The following SLC35F4 variants were observed in gnomAD, a reference collection of about 807,000 sequenced individuals.
SLC35F4 encodes chromosome 14 open reading frame 36.
In SLC35F4, 24 loss-of-function variants were observed where a neutral mutation model predicts 44.2. The ratio of observed to expected loss-of-function variants is 0.54; its 90% CI spans 0.39 to 0.76. The LOEUF (loss-of-function observed/expected upper bound fraction) is 0.76. Ranked by LOEUF, SLC35F4 falls within the 30% of genes least tolerant of loss-of-function variation. SLC35F4 has a pLI of 0.00. For missense variants in SLC35F4, 562 were observed against 586.1 expected (o/e 0.96, Z 0.42); for synonymous variants, 238 against 223.6 (o/e 1.06, Z -0.57).
chr14:57,596,596 C>T (rs1012714178), intron 1 of SLC35F4: 4 of 422,384 alleles, frequency 9.5e-6, no homozygotes, highest in Non-Finnish European at 1.9e-5. Context: ...TTTCCAATCC[C>T]TTGGCAATTA....
intron 1 of SLC35F4, among the ~76,000 whole-genome samples, chr14:57,816,627 T>A (rs1446726790): frequency 6.6e-6 from 1 of 152,232 alleles, no homozygotes; most frequent in Non-Finnish European, 1.5e-5. Context: ...GAACGCTGTA[T>A]ATTCATAAGC....
At chr14:57,767,733 C>G (rs1011120664) in intron 1 of SLC35F4, among the ~76,000 whole-genome samples, 2 of 151,628 alleles carry the variant, frequency 1.3e-5, no homozygotes, top group Non-Finnish European at 2.9e-5. Context: ...CAATCTTGAT[C>G]ATTGAAAAAA....
intron 1 of SLC35F4, among the ~76,000 whole-genome samples, chr14:57,700,187 T>C (rs577664163): frequency 2.0e-5 from 3 of 152,344 alleles, no homozygotes; most frequent in Non-Finnish European, 4.4e-5. Flanking sequence ...GGCTATATGG[T>C]ATAACCTGTT....
At chr14:57,747,200 G>T (rs571719184) in intron 1 of SLC35F4, among the ~76,000 whole-genome samples, 1 of 152,082 alleles carries the variant, frequency 6.6e-6, no homozygotes, top group Non-Finnish European at 1.5e-5. Flanking sequence ...TATGATACAC[G>T]CAAATAAAAA....
chr14:57,944,587 C>T (rs1889974467), intron 1 of SLC35F4, among the ~76,000 whole-genome samples: 2 of 141,474 alleles, frequency 1.4e-5, no homozygotes, highest in South Asian at 2.3e-4. Flanking sequence ...TTGTCAAAAT[C>T]AAAATGAAGT....
At chr14:57,873,904 C>A (rs977797710) in intron 1 of SLC35F4, among the ~76,000 whole-genome samples, 13 of 152,164 alleles carry the variant, frequency 8.5e-5, no homozygotes, top group African/African-American at 2.9e-4. Flanking sequence ...TGAAGCCTGA[C>A]TAAAGGTCTC....
intron 1 of SLC35F4, among the ~76,000 whole-genome samples, chr14:57,894,790 T>A (rs1180699996): frequency 6.6e-6 from 1 of 152,142 alleles, no homozygotes; most frequent in Non-Finnish European, 1.5e-5. Flanking sequence ...CTTGGTAAAC[T>A]TAATGCAATC....
At chr14:57,933,839 C>G (rs1055248134) in intron 1 of SLC35F4, among the ~76,000 whole-genome samples, 7 of 151,868 alleles carry the variant, frequency 4.6e-5, no homozygotes, top group Non-Finnish European at 1.0e-4. Flanking sequence ...GAAACAGCAC[C>G]AATTATCTTT....
At chr14:57,741,148 CT>C (rs777482841) in intron 1 of SLC35F4, among the ~76,000 whole-genome samples, 3 of 152,188 alleles carry the variant, frequency 2.0e-5, no homozygotes, top group Non-Finnish European at 4.4e-5. Context: ...AGCAGAAAAG[CT>C]GAAAATTCTA....
intron 1 of SLC35F4, among the ~76,000 whole-genome samples, chr14:57,926,387 T>C (rs996082821): frequency 2.6e-5 from 4 of 152,186 alleles, no homozygotes; most frequent in African/African-American, 9.7e-5. Flanking sequence ...AGATGTCACA[T>C]GGAACTTCTT....
intron 1 of SLC35F4, among the ~76,000 whole-genome samples, chr14:57,702,880 T>C (rs570304048): frequency 6.6e-6 from 1 of 152,294 alleles, no homozygotes; most frequent in East Asian, 1.9e-4. Context: ...CAGTGGACAG[T>C]GGCCATAATC....
In SLC35F4 at chr14:57,802,816, G is replaced by C. The variant is rs548485342; in HGVS notation, c.103+62907C>G. On this transcript the variant is annotated intron_variant, in intron 1 of 7. Coordinates refer to ENST00000556826, the MANE Select transcript of SLC35F4 (RefSeq NM_001306087.2). ...AATAACAAGTTCTGAAATTGAGGCA[G>C]TAATAAGTAGCAAGCAAAAAACACC... 2.0e-5 allele frequency among the ~76,000 whole-genome samples: 3 copies of C among 151,998 alleles called. No homozygotes were observed. The South Asian group carries it at 6.2e-4, about 32-fold the overall frequency.
At chr14:57,916,497 C>T (rs1889332174) in intron 1 of SLC35F4, among the ~76,000 whole-genome samples, 1 of 152,144 alleles carries the variant, frequency 6.6e-6, no homozygotes, top group South Asian at 2.1e-4. Context: ...CTCTGAGCTT[C>T]CTGGATCTGT....
At chr14:57,590,063 T>G (rs1308486826) in intron 2 of SLC35F4, among the ~76,000 whole-genome samples, 4 of 151,170 alleles carry the variant, frequency 2.6e-5, no homozygotes, top group African/African-American at 9.7e-5. Flanking sequence ...AAATAAATAT[T>G]CGTTTCCATT....
intron 1 of SLC35F4, among the ~76,000 whole-genome samples, chr14:57,905,264 G>C (rs74611318): frequency 0.091 from 13,820 of 152,220 alleles, 689 homozygotes; most frequent in Middle Eastern, 0.11. Context: ...AGGGCTACTT[G>C]AATGTCCTCA....
intron 1 of SLC35F4, among the ~76,000 whole-genome samples, chr14:57,768,787 C>A (rs1456931825): frequency 6.6e-6 from 1 of 151,716 alleles, no homozygotes; most frequent in African/African-American, 2.4e-5. Context: ...AAGTCTTGCT[C>A]GGTCGCCCAG....
chr14:57,693,368 G>A (rs574069191), intron 1 of SLC35F4, among the ~76,000 whole-genome samples: 7 of 152,148 alleles, frequency 4.6e-5, no homozygotes, highest in East Asian at 3.8e-4. Context: ...TGACATGTTC[G>A]TGATGGCCAT....
intron 1 of SLC35F4, among the ~76,000 whole-genome samples, chr14:57,944,951 G>A (rs1889996128): frequency 6.6e-6 from 1 of 152,144 alleles, no homozygotes; most frequent in African/African-American, 2.4e-5. Flanking sequence ...AAGGACATCT[G>A]CCCAGCATCT....
intron 1 of SLC35F4, among the ~76,000 whole-genome samples, chr14:57,873,659 T>C (rs931963569): frequency 4.6e-5 from 7 of 152,118 alleles, no homozygotes; most frequent in Admixed American, 2.0e-4. Context: ...AAAATGGTGA[T>C]AAGAGGAGTG....
Sources: allele counts gnomAD v4.1 joint callset (sites outside exome capture counted in the v4.1 genomes callset), GRCh38; gene constraint gnomAD v4.1.1; transcripts MANE v1.5; gene names NCBI Gene and HGNC (gene_info 2026-07-23, HGNC 2026-07-21).